The following TCEAL4 variants were observed in gnomAD, a reference collection of about 807,000 sequenced individuals.
TCEAL4 encodes the protein transcription elongation factor A like 4.
Under a neutral mutation model 1.3 loss-of-function variants are expected in TCEAL4, and 1 was observed. The ratio of observed to expected loss-of-function variants is 0.79; its 90% CI spans 0.28 to 3.76. The LOEUF is 3.76. Among genes scored for constraint, TCEAL4 ranks in the 30% most tolerant of loss-of-function variants. The pLI is 0.18. For missense variants in TCEAL4, 129 were observed against 154.7 expected (o/e 0.83, Z 0.88); for synonymous variants, 54 against 50.7 (o/e 1.06, Z -0.28).
rs747821968 is a variant in TCEAL4 at position 103,577,160 on chromosome X, A to AAC, written c.130_131insAC (p.Ile44AsnfsTer9). ...TCAATGCGAAGAATGGAAAGGTCAC[A>AAC]TATCATATGTGGAGCGGGACATAAC... On this transcript the variant is annotated frameshift_variant, in exon 2 of 5. Coordinates refer to the TCEAL4 transcript ENST00000372629. LOFTEE classifies it high-confidence loss of function. The AAC allele has an allele frequency of 6.9e-6, 8 of 1,167,430 alleles. 1 individual carries two copies. The East Asian group carries it at 2.6e-4, about 38-fold the overall frequency.
chrX:103,586,124 T>C, intron 1 of TCEAL4, 95 bp from the exon 2 acceptor site: 3 of 1,117,131 alleles, frequency 2.7e-6, no homozygotes, highest in Non-Finnish European at 3.5e-6. Context: ...GAGGAAAACG[T>C]TGGATGAGAA....
intron 2 of TCEAL4, 102 bp from the exon 3 acceptor site, chrX:103,586,546 CA>C (rs1200824892): frequency 2.3e-5 from 24 of 1,033,035 alleles, no homozygotes; most frequent in African/African-American, 3.8e-5. Flanking sequence ...GAACCCTCAT[CA>C]GGGGTGAGAT....
At chrX:103,586,192 C>T in intron 1 of TCEAL4, 27 bp from the exon 2 acceptor site, 2 of 1,165,467 alleles carry the variant, frequency 1.7e-6, no homozygotes, top group Non-Finnish European at 2.3e-6. Flanking sequence ...CGCGCAGACC[C>T]TGCCCCTGTC....
chrX:103,577,211 C>T lies in TCEAL4; in HGVS notation c.181C>T (p.Gln61Ter). The T allele has an allele frequency of 8.6e-7, 1 of 1,165,318 alleles. No homozygotes were observed. Among genetic ancestry groups the T allele is most frequent in the Non-Finnish European group, 1.1e-6 (1 of 872,102 alleles). The change falls in exon 2 of 5, where the codon CAG becomes TAG. Residue 61 changes from glutamine to a stop codon, truncating the protein, a stop_gained and splice_region_variant. Transcript: ENST00000372629. LOFTEE classifies it high-confidence loss of function. ...AACTTCGGAAATTAAATCTCTTCCC[C>T]AGGTAAATAAATGGATGCAATATGC...
upstream of TCEAL4, among the ~76,000 whole-genome samples, chrX:103,581,180 G>GA (rs200009559): frequency 0.016 from 1,832 of 111,176 alleles, 40 homozygotes; most frequent in African/African-American, 0.056. Context: ...ATTGAACCAG[G>GA]AAGAAATTGA....
intron 2 of TCEAL4, among the ~76,000 whole-genome samples, chrX:103,579,792 A>G (rs2073499688): frequency 8.9e-6 from 1 of 111,960 alleles, no homozygotes; most frequent in Non-Finnish European, 1.9e-5. Context: ...AGATATCTGA[A>G]TGTATGTCAG....
rs140129477 is a variant in TCEAL4, at chrX:103,577,445, C to T, written c.183+232C>T. ...TAAGTGAAAGAATCAAGTAGCAGAACAGTATATACAGTACAATTTCATTAA... is the reference window on the plus strand; with the variant it reads ...TAAGTGAAAGAATCAAGTAGCAGAATAGTATATACAGTACAATTTCATTAA... On this transcript the variant is annotated intron_variant, in intron 2 of 4. Coordinates refer to the TCEAL4 transcript ENST00000372629. Among the ~76,000 whole-genome samples the T allele has an allele frequency of 1.0e-3, 111 of 111,542 alleles. 4 individuals carry two copies. The East Asian group carries it at 0.027, about 27-fold the overall frequency.
At position 103,586,231 on chromosome X, in the gene TCEAL4, G is replaced by T. The variant is rs1303153848; in HGVS notation, c.-88G>T. The T allele has an allele frequency of 3.4e-6, 4 of 1,165,008 alleles. No individual in the cohort carries two copies. Among genetic ancestry groups the T allele is most frequent in the Non-Finnish European group, 3.4e-6 (3 of 872,772 alleles). On this transcript the variant is annotated 5_prime_UTR_variant, in exon 2 of 3. Transcript: ENST00000472484. ...TGTCTGTCTGCAGGTCTGCGCGTCT[G>T]TTGTTCCCAGCGCTCTGCGAAGCCT...
Position 103,587,287 on chromosome X carries a change from C to T in TCEAL4, c.612C>T (p.Ala204=). 8.4e-7 allele frequency: 1 copy of T among 1,190,434 alleles called. No individual in the cohort carries two copies. The highest frequency in any genetic ancestry group is 1.1e-6 in the Non-Finnish European group (1 of 887,611). The stretch of plus-strand genomic sequence containing the variant: ...GGGAATTCAGGGGTGGCTGCAGGGC[C>T]CCACGAAGGGACATTGAAGACATTC... The part of the protein sequence containing the change: ...GPREFRGGCR[A]PRRDIEDIPY... The change falls in exon 3 of 3, where the codon GCC becomes GCT. Residue 204 remains alanine (A), a synonymous_variant. Transcript: ENST00000472484.
exon 1 of TCEAL4, chrX:103,576,517 G>A (rs952890386): frequency 1.5e-5 from 17 of 1,119,026 alleles, no homozygotes; most frequent in Non-Finnish European, 1.8e-5. Context: ...TAATCCCAGC[G>A]TTTTGGGAGG....
exon 1 of TCEAL4, chrX:103,576,302 A>G (rs906878928): frequency 1.5e-6 from 1 of 647,480 alleles, no homozygotes; most frequent in Non-Finnish European, 2.3e-6. Context: ...GCTTTGTGGG[A>G]TATCTATTTA....
upstream of TCEAL4, among the ~76,000 whole-genome samples, chrX:103,583,395 A>T (rs2073516913): frequency 8.9e-6 from 1 of 112,232 alleles, no homozygotes; most frequent in African/African-American, 3.2e-5. Context: ...TCATTCTGTT[A>T]TAAGGATACA....
chrX:103,584,331 C>T (rs1350192972), upstream of TCEAL4, among the ~76,000 whole-genome samples: 1 of 111,853 alleles, frequency 8.9e-6, no homozygotes, highest in African/African-American at 3.3e-5. Flanking sequence ...AGTCCTTCAA[C>T]AAATCTGTTA....
chrX:103,579,013 T>C (rs1010509398), intron 2 of TCEAL4, among the ~76,000 whole-genome samples: 7 of 112,345 alleles, frequency 6.2e-5, no homozygotes, highest in Admixed American at 9.4e-5. Context: ...GTTTTGTAGA[T>C]GGTGTGAAAA....
chrX:103,586,773 C>A lies in TCEAL4; in HGVS notation c.98C>A (p.Thr33Asn), dbSNP rs1160143926. The change falls in exon 3 of 3, where the codon ACT (threonine) becomes AAT (asparagine). Residue 33 changes from threonine to asparagine, a missense_variant. Coordinates refer to ENST00000472484, the MANE Select transcript of TCEAL4 (RefSeq NM_001006935.3). ...CAAGACGAGAGAAAGCCAGAAGTAA[C>A]TTGTACTCTGGAAGACAAGAAGTTA... is the stretch of plus-strand genomic sequence containing the variant. ...QPQDERKPEV[T>N]CTLEDKKLEN... The A allele has an allele frequency of 2.5e-6, 3 of 1,209,995 alleles. No homozygotes were observed. The highest frequency in any genetic ancestry group is 3.5e-5 in the African/African-American group (2 of 57,218).
chrX:103,587,350 A>G lies in TCEAL4; in HGVS notation c.*27A>G. 1.7e-6 allele frequency: 2 copies of G among 1,152,138 alleles called. No individual in the cohort carries two copies. The highest frequency in any genetic ancestry group is 2.1e-5 in the South Asian group (1 of 47,259). 94.9% of individuals were successfully genotyped at this position (1,152,138 alleles called of 1,213,427 possible). ...GTCCCTGGCAGGCATTTACCAGGCC[A>G]TGTGCTTTAACGTTACGGTAATACT... On this transcript the variant is annotated 3_prime_UTR_variant, in exon 3 of 3. Transcript: ENST00000472484.
At chrX:103,576,966 T>A (rs2073486498) in intron 1 of TCEAL4, 3 of 822,345 alleles carry the variant, frequency 3.6e-6, no homozygotes, top group Non-Finnish European at 5.0e-6. Context: ...AATTGTTACA[T>A]GGCAGCTGCT....
intron 2 of TCEAL4, chrX:103,577,300 C>A: frequency 9.7e-7 from 1 of 1,029,408 alleles, no homozygotes; most frequent in South Asian, 2.4e-5. Context: ...TAATGCTAAT[C>A]AATGGAGAAT....
chrX:103,576,551 G>A, intron 1 of TCEAL4: 1 of 965,720 alleles, frequency 1.0e-6, no homozygotes, highest in Admixed American at 2.8e-5. Context: ...ATCACCTGAG[G>A]TCAGGAGTTT....
Sources: allele counts gnomAD v4.1 joint callset (sites outside exome capture counted in the v4.1 genomes callset), GRCh38; gene constraint gnomAD v4.1.1; transcripts MANE v1.5; gene names NCBI Gene and HGNC (gene_info 2026-07-23, HGNC 2026-07-21).